The following ASIP variants were observed in gnomAD, a reference collection of about 807,000 sequenced individuals.
The protein encoded by ASIP is agouti-signaling protein.
A neutral mutation model predicts 10.3 loss-of-function variants in ASIP; 11 were observed. The observed-to-expected ratio is 1.07, with a 90% CI of 0.68 to 1.78. The LOEUF (loss-of-function observed/expected upper bound fraction) is 1.78, where lower values mean the gene tolerates loss of function less well. Ranked by LOEUF, ASIP falls within the 40% of genes most tolerant of loss-of-function variation. The probability of loss-of-function intolerance (pLI) is 0.00; values close to 1 mark genes in which losing one functional copy is unlikely to be tolerated. For synonymous variants in ASIP, 70 were observed against 70.8 expected, an observed-to-expected ratio of 0.99 and a Z score of 0.06; for missense variants, 180 against 169.2, an observed-to-expected ratio of 1.06 and a Z score of -0.35.
chr20:34,246,012 C>A, intron 1 of ASIP: 1 of 1,063,498 alleles, frequency 9.4e-7, no homozygotes, highest in South Asian at 1.3e-5. Context: ...GGCCATTTTT[C>A]TGAATGACAT....
At chr20:34,212,927 C>A (rs1292327510) in intron 1 of ASIP, among the ~76,000 whole-genome samples, 1 of 152,106 alleles carries the variant, frequency 6.6e-6, no homozygotes, top group Non-Finnish European at 1.5e-5. Flanking sequence ...TAAGATTTTC[C>A]AACTCCAGCA....
intron 1 of ASIP, among the ~76,000 whole-genome samples, chr20:34,206,665 G>A (rs1227526107): frequency 2.0e-5 from 3 of 152,058 alleles, no homozygotes; most frequent in Admixed American, 1.3e-4. Flanking sequence ...TGCAATCTCC[G>A]CCTCCTGGGT....
intron 1 of ASIP, among the ~76,000 whole-genome samples, chr20:34,226,212 T>C (rs1420925725): frequency 1.3e-5 from 2 of 152,228 alleles, no homozygotes; most frequent in Non-Finnish European, 2.9e-5. Flanking sequence ...GTACCTACTT[T>C]AGAACGTGTG....
intron 1 of ASIP, among the ~76,000 whole-genome samples, chr20:34,232,274 T>G (rs1056472031): frequency 6.6e-5 from 10 of 152,172 alleles, no homozygotes; most frequent in African/African-American, 2.2e-4. Flanking sequence ...GTCAATACCT[T>G]ACATTCTTGG....
At position 34,233,785 on chromosome 20, in the gene ASIP, G is replaced by A. The variant is rs754897444; in HGVS notation, c.-10-26580G>A. Among the ~76,000 whole-genome samples the A allele has an allele frequency of 1.3e-3, 193 of 152,256 alleles. 1 individual carries two copies. Among genetic ancestry groups the A allele is most frequent in the Non-Finnish European group, 2.3e-3 (156 of 68,018 alleles). On this transcript the variant is annotated intron_variant, in intron 1 of 3. Transcript: ENST00000568305. ...TAGTTTCAAGGGCCACAATGATGTGGCCACAATTGGCTGATCAGACTAGAA... is the reference window on the plus strand; with the variant it reads ...TAGTTTCAAGGGCCACAATGATGTGACCACAATTGGCTGATCAGACTAGAA...
Position 34,201,010 on chromosome 20 carries a change from TTCC to T in ASIP, c.-11+6252_-11+6254del, listed in dbSNP as rs1470432998. Among the ~76,000 whole-genome samples, 4 of 86,328 alleles carry T rather than the reference TTCC, an allele frequency of 4.6e-5. No homozygotes were observed. In the South Asian group the frequency reaches 1.0e-3, roughly 22 times the overall value. The allele number at this position is 86,328 out of a possible 152,430, so 56.6% of individuals were successfully genotyped here. A position where few individuals can be genotyped will look rare whatever the true frequency, so the allele number is the denominator to read the frequency against. Reference sequence around the variant, plus strand: ...CTTCCTTCCTTCCTTCCTTCCTTCCTTCCTTCCTTCTTTCTTTCTTTCTTTCTT... The same window carrying T: ...CTTCCTTCCTTCCTTCCTTCCTTCCTTTCCTTCTTTCTTTCTTTCTTTCTT... On this transcript the variant is annotated intron_variant, in intron 1 of 3. Coordinates refer to the ASIP transcript ENST00000568305.
chr20:34,260,403 C>T lies in ASIP; in HGVS notation c.29C>T (p.Thr10Ile). Residue 10 changes from threonine to isoleucine, a missense_variant, in exon 2 of 4, where the codon ACC becomes ATC. Physicochemically the swap from Thr to Ile is moderately conservative, Grantham distance 89. Coordinates refer to ENST00000374954, the MANE Select transcript of ASIP (RefSeq NM_001672.3). MDVTRLLLA[T>I]LLVFLCFFTA... ...GATGTCACCCGCTTACTCCTGGCCACCCTGCTGGTCTTCCTCTGCTTCTTC... is the reference window on the plus strand; with the variant it reads ...GATGTCACCCGCTTACTCCTGGCCATCCTGCTGGTCTTCCTCTGCTTCTTC... The T allele has an allele frequency of 6.2e-7, 1 of 1,614,100 alleles. No homozygotes were observed. The highest frequency in any genetic ancestry group is 8.5e-7 in the Non-Finnish European group (1 of 1,179,956).
At chr20:34,192,534 T>TTC (rs397792500), upstream of ASIP, among the ~76,000 whole-genome samples, 1 of 151,420 alleles carries the variant, frequency 6.6e-6, no homozygotes, top group East Asian at 1.9e-4. Flanking sequence ...TTTTTTTTTT[T>TTC]CCTGAGATGA....
upstream of ASIP, among the ~76,000 whole-genome samples, chr20:34,240,684 G>T (rs147838670): frequency 2.0e-5 from 3 of 152,164 alleles, no homozygotes; most frequent in East Asian, 3.8e-4. Context: ...AGCTGAATTA[G>T]ACCCTTCTTT....
chr20:34,267,459 CAAAAAAAAA>C (rs953440256), intron 3 of ASIP, among the ~76,000 whole-genome samples: 2 of 46,280 alleles, frequency 4.3e-5, no homozygotes, highest in South Asian at 9.6e-4. Context: ...AACTGGCTCT[CAAAAAAAAA>C]AAAAAAAAAA....
At chr20:34,221,859 C>G (rs1333165170) in intron 1 of ASIP, among the ~76,000 whole-genome samples, 2 of 152,134 alleles carry the variant, frequency 1.3e-5, no homozygotes, top group Non-Finnish European at 2.9e-5. Flanking sequence ...CCTGTAATCC[C>G]AGCACTTTGG....
At chr20:34,262,062 G>A (rs1415173157) in intron 2 of ASIP, among the ~76,000 whole-genome samples, 1 of 151,422 alleles carries the variant, frequency 6.6e-6, no homozygotes, top group South Asian at 2.1e-4. Flanking sequence ...ACAGTGAGCC[G>A]AGATCGCACC....
intron 1 of ASIP, among the ~76,000 whole-genome samples, chr20:34,197,879 G>A (rs1214022267): frequency 5.3e-5 from 8 of 151,980 alleles, no homozygotes; most frequent in Non-Finnish European, 7.4e-5. Flanking sequence ...CATATTGACC[G>A]CCTCAGGGGT....
chr20:34,239,799 G>A (rs1414051657), upstream of ASIP, among the ~76,000 whole-genome samples: 2 of 152,070 alleles, frequency 1.3e-5, no homozygotes, highest in Non-Finnish European at 2.9e-5. Flanking sequence ...ATAATGTAGG[G>A]GTGTGCCATC....
rs118066733 is a variant in ASIP, at chr20:34,200,246, T to C, written c.-11+5486T>C. On this transcript the variant is annotated intron_variant, in intron 1 of 3. Coordinates refer to the ASIP transcript ENST00000568305. ...CATCATTTCACCCGATGAGCATTTCTTGGAGCCTGCTAGATAGTGTTAGGT... is the reference window on the plus strand; with the variant it reads ...CATCATTTCACCCGATGAGCATTTCCTGGAGCCTGCTAGATAGTGTTAGGT... 4.5e-3 allele frequency among the ~76,000 whole-genome samples: 685 copies of C among 152,342 alleles called. 4 individuals are homozygous for C. The highest frequency in any genetic ancestry group is 5.5e-3 in the Non-Finnish European group (373 of 68,034).
At chr20:34,252,841 C>G (rs562589901) in intron 1 of ASIP, among the ~76,000 whole-genome samples, 1 of 152,290 alleles carries the variant, frequency 6.6e-6, no homozygotes, top group East Asian at 1.9e-4. Flanking sequence ...CATTGTGTCC[C>G]TGGTTAATCG....
At chr20:34,218,025 A>G (rs3813919) in intron 1 of ASIP, among the ~76,000 whole-genome samples, 17,404 of 152,248 alleles carry the variant, frequency 0.11, 1,064 homozygotes, top group South Asian at 0.2. Context: ...GCTCTTCCAT[A>G]GCTCCAAATT....
At chr20:34,268,947 G>A in intron 3 of ASIP, 44 bp from the exon 4 acceptor site, 1 of 1,561,368 alleles carries the variant, frequency 6.4e-7, no homozygotes, top group Non-Finnish European at 8.7e-7. Context: ...GGACCGGAGG[G>A]GTGGGCGTGG....
rs1289236331 is a variant in ASIP at position 34,230,817 on chromosome 20, A to G, written c.-10-29548A>G. Among the ~76,000 whole-genome samples, 16 of 33,998 alleles carry G rather than the reference A, an allele frequency of 4.7e-4. 4 individuals are homozygous for G. The allele number at this position is 33,998 out of a possible 152,430, so 22.3% of individuals were successfully genotyped here. A position where few individuals can be genotyped will look rare whatever the true frequency, so the allele number is the denominator to read the frequency against. ...CGGACGGGGTGGCTGCCGGGCGGAGACGCTCCTCACTTCCCAGATGGGGTG... is the reference window on the plus strand; with the variant it reads ...CGGACGGGGTGGCTGCCGGGCGGAGGCGCTCCTCACTTCCCAGATGGGGTG... On this transcript the variant is annotated intron_variant, in intron 1 of 3. Transcript: ENST00000568305.
Sources: gnomAD v4.1 joint callset for allele counts (sites outside exome capture counted in the v4.1 genomes callset) on GRCh38, gnomAD v4.1.1 for gene constraint, MANE v1.5 for transcripts, NCBI Gene and HGNC (gene_info 2026-07-23, HGNC 2026-07-21) for gene names.